The following MAMDC4 variants were observed in gnomAD, a reference collection of about 807,000 sequenced individuals.
The protein encoded by MAMDC4 is apical endosomal glycoprotein.
A neutral mutation model predicts 153.3 loss-of-function variants in MAMDC4; 168 were observed. The observed-to-expected ratio is 1.10, with a 90% confidence interval of 0.97 to 1.25. The LOEUF is 1.25. Among genes scored for constraint, MAMDC4 ranks in the 50% most tolerant of loss-of-function variants. MAMDC4 has a pLI of 0.00. For synonymous variants in MAMDC4, 744 were observed against 651.5 expected, an observed-to-expected ratio of 1.14 and a Z score of -2.16; for missense variants, 1,701 against 1,542.8, an observed-to-expected ratio of 1.10 and a Z score of -1.72.
In MAMDC4 at chr9:136,854,766, C is replaced by T; in HGVS notation, c.939C>T (p.Ser313=). The T allele has an allele frequency of 1.2e-6, 2 of 1,612,808 alleles. No homozygotes were observed. Among genetic ancestry groups the T allele is most frequent in the Non-Finnish European group, 1.7e-6 (2 of 1,179,878 alleles). The change falls in exon 9 of 27, where the codon TCC becomes TCT. Residue 313 remains serine (S), a synonymous_variant. Transcript: ENST00000317446. ...RDHSRNSAQG[S]FLVSVAEPGT... is the part of the protein sequence containing the mutation. ...CACTCCCGTCCTTTCCCGCAGGCTC[C>T]TTCCTGGTCTCCGTGGCCGAGCCTG...
In MAMDC4 at chr9:136,853,697, G is replaced by T. The variant is rs758712658; in HGVS notation, c.454+27G>T. 12 of 1,606,136 alleles carry T rather than the reference G, an allele frequency of 7.5e-6. No homozygotes were observed. The South Asian group carries it at 8.8e-5, about 12-fold the overall frequency. On this transcript the variant is annotated intron_variant, in intron 4 of 26. Coordinates refer to ENST00000317446, the MANE Select transcript of MAMDC4 (RefSeq NM_206920.3). ...TGCACCCTGGACCCCCAAGGCTCGT[G>T]GGGGGTGCCCAAGGGGAGGGCGGGT... is the stretch of plus-strand genomic sequence containing the variant.
At position 136,853,677 on chromosome 9, in the gene MAMDC4, C is replaced by T. The variant is rs745453446; in HGVS notation, c.454+7C>T. On this transcript the variant is annotated splice_region_variant and intron_variant, in intron 4 of 26. Coordinates refer to ENST00000317446, the MANE Select transcript of MAMDC4 (RefSeq NM_206920.3). The stretch of plus-strand genomic sequence containing the variant: ...TACCACGCGGCCTCTGGAGGTGCAC[C>T]CTGGACCCCCAAGGCTCGTGGGGGG... 9 of 1,609,988 alleles carry T rather than the reference C, an allele frequency of 5.6e-6. No individual in the cohort carries two copies. The highest frequency in any genetic ancestry group is 6.8e-6 in the Non-Finnish European group (8 of 1,178,790).
chr9:136,857,372 G>T lies in MAMDC4; in HGVS notation c.2112G>T (p.Leu704=). The change falls in exon 18 of 27, where the codon CTG becomes CTT. Residue 704 remains leucine (L), a synonymous_variant. Coordinates refer to ENST00000317446, the MANE Select transcript of MAMDC4 (RefSeq NM_206920.3). ...CTGACACCCTCCACCCCCAGCTGCT[G>T]TTCGAGGGCCTCCGGGACGGATACC... ...QPGSHAQYQL[L]FEGLRDGYHG... is the part of the protein sequence containing the mutation. 1 of 1,608,422 alleles carries T rather than the reference G, an allele frequency of 6.2e-7. No homozygotes were observed.
Position 136,860,599 on chromosome 9 carries a change from C to A in MAMDC4, c.3410C>A (p.Pro1137Gln). Reference protein sequence around the residue: ...VTLPASVTSDP With the variant: ...VTLPASVTSDQ ...CTCCCGGCATCTGTCACCAGTGATC[C>A]GTAGACCACCCCAGACAAGGCCCCG... The change falls in exon 27 of 27, where the codon CCG (proline) becomes CAG (glutamine). Residue 1137 changes from proline to glutamine, a missense_variant. Pro to Gln is a moderately conservative substitution (Grantham distance 76). Transcript: ENST00000317446. 6.2e-7 allele frequency: 1 copy of A among 1,613,274 alleles called. No individual in the cohort carries two copies. Among genetic ancestry groups the A allele is most frequent in the Non-Finnish European group, 8.5e-7 (1 of 1,179,876 alleles).
rs1288087044 is a variant in MAMDC4, at chr9:136,853,839, A to G, written c.517A>G (p.Thr173Ala). The G allele has an allele frequency of 6.4e-7, 1 of 1,560,820 alleles. No individual in the cohort carries two copies. Among genetic ancestry groups the G allele is most frequent in the African/African-American group, 1.3e-5 (1 of 74,536 alleles). Residue 173 changes from threonine (T) to alanine (A), a missense_variant, in exon 5 of 27, where the codon ACA becomes GCA. Physicochemically the swap from Thr to Ala is moderately conservative, Grantham distance 58 (BLOSUM62 0). Coordinates refer to ENST00000317446, the MANE Select transcript of MAMDC4 (RefSeq NM_206920.3). ...GAETLTLWQS[T>A]GPWGPGWQEL... ...AGAGACCCTGACCCTGTGGCAGAGC[A>G]CAGGGCCCTGGGGCCCTGGCTGGCA...
chr9:136,859,690 A>C, intron 25 of MAMDC4, 196 bp from the exon 26 acceptor site: 1 of 621,438 alleles, frequency 1.6e-6, no homozygotes, highest in Non-Finnish European at 2.8e-6. Context: ...CATGAGCCCC[A>C]CCAAGTCTGC....
Position 136,860,677 on chromosome 9 carries a change from C to T in MAMDC4, c.*74C>T. 2 of 1,540,332 alleles carry T rather than the reference C, an allele frequency of 1.3e-6. No homozygotes were observed. The highest frequency in any genetic ancestry group is 1.8e-6 in the Non-Finnish European group (2 of 1,116,744). The stretch of plus-strand genomic sequence containing the variant: ...TCAGACCCTAGCCAGGGACCGGACA[C>T]CTGCCCCGCCCAGGCTGGGACAGGC... On this transcript the variant is annotated 3_prime_UTR_variant, in exon 27 of 27. Coordinates refer to ENST00000317446, the MANE Select transcript of MAMDC4 (RefSeq NM_206920.3).
chr9:136,860,706 A>G lies in MAMDC4; in HGVS notation c.*103A>G. The G allele has an allele frequency of 7.7e-7, 1 of 1,306,504 alleles. No individual in the cohort carries two copies. The highest frequency in any genetic ancestry group is 1.2e-5 in the South Asian group (1 of 82,806). 80.9% of individuals were successfully genotyped at this position (1,306,504 alleles called of 1,614,324 possible). On this transcript the variant is annotated 3_prime_UTR_variant, in exon 27 of 27. Transcript: ENST00000317446. ...CCCCGCCCAGGCTGGGACAGGCTGC[A>G]GGTCTCAGGATATGCTGAGGCCTGG... is the stretch of plus-strand genomic sequence containing the variant.
chr9:136,860,115 C>A (rs575334645), intron 26 of MAMDC4, 51 bp downstream of exon 26: 1 of 1,486,520 alleles, frequency 6.7e-7, no homozygotes, highest in South Asian at 1.4e-5. Context: ...TCAGCTGTGA[C>A]GCTGGAGGGC....
Position 136,853,202 on chromosome 9 carries a change from C to T in MAMDC4, c.147C>T (p.Ala49=), listed in dbSNP as rs764233702. ...ACTGCAGGGACTGCTCAGATGAGGC[C>T]CAGTGTGGTGAGCCAAGACCAGATG... ...VCDCRDCSDE[A]QCGYHGASPT... The change falls in exon 2 of 27, where the codon GCC becomes GCT. Residue 49 remains alanine (A), a synonymous_variant. Transcript: ENST00000317446. 6.2e-7 allele frequency: 1 copy of T among 1,612,760 alleles called. No individual in the cohort carries two copies. Among genetic ancestry groups the T allele is most frequent in the Non-Finnish European group, 8.5e-7 (1 of 1,179,924 alleles).
chr9:136,859,658 G>A (rs2236544), intron 25 of MAMDC4: 454,078 of 600,828 alleles, frequency 0.76, 172,798 homozygotes, highest in East Asian at 0.88. Flanking sequence ...CACTTGGTGA[G>A]GGAAAGAATC....
rs777024334 is a variant in MAMDC4, at chr9:136,859,232, C to T, written c.3108C>T (p.Gly1036=). ...AGATCGTGTTTGAAGCCACTCTGGG[C>T]GGCCAGCCAGCCCTGGGGCCCATTG... is the stretch of plus-strand genomic sequence containing the variant. ...EFQIVFEATL[G]GQPALGPIAL... is the part of the protein sequence containing the mutation. The change falls in exon 25 of 27, where the codon GGC becomes GGT. Residue 1036 remains glycine, a synonymous_variant. Transcript: ENST00000317446. The T allele has an allele frequency of 5.6e-6, 9 of 1,611,518 alleles. No homozygotes were observed. The highest frequency in any genetic ancestry group is 5.9e-6 in the Non-Finnish European group (7 of 1,179,250).
intron 7 of MAMDC4, 77 bp from the exon 8 acceptor site, chr9:136,854,462 G>A: frequency 6.5e-7 from 1 of 1,529,614 alleles, no homozygotes; most frequent in Non-Finnish European, 8.8e-7. Context: ...TGGTTGCCAG[G>A]GCCCCCCTGG....
In MAMDC4 at chr9:136,858,496, C is replaced by A. The variant is rs764063491; in HGVS notation, c.2771C>A (p.Pro924His). The A allele has an allele frequency of 2.1e-5, 33 of 1,606,532 alleles. No homozygotes were observed. The highest frequency in any genetic ancestry group is 2.5e-5 in the Non-Finnish European group (30 of 1,177,872). The change falls in exon 22 of 27, where the codon CCC (proline) becomes CAC (histidine). Residue 924 changes from proline to histidine, a missense_variant. Transcript: ENST00000317446. The stretch of plus-strand genomic sequence containing the variant: ...TGGGACTGGGGCGGGGGAGCCACCC[C>A]CTCTCGTTACCCCCAGCCCCCTGTG... ...YSWDWGGGAT[P>H]SRYPQPPVDH...
rs369624869 is a variant in MAMDC4 at position 136,857,351 on chromosome 9, C to T, written c.2107-16C>T. The T allele has an allele frequency of 2.4e-4, 384 of 1,608,122 alleles. No homozygotes were observed. The highest frequency in any genetic ancestry group is 3.0e-4 in the Non-Finnish European group (355 of 1,179,234). ...CAGGGCAGGGCCCCTGGCCAGCTGA[C>T]ACCCTCCACCCCCAGCTGCTGTTCG... is the stretch of plus-strand genomic sequence containing the variant. On this transcript the variant is annotated splice_polypyrimidine_tract_variant and intron_variant, in intron 17 of 26. Coordinates refer to ENST00000317446, the MANE Select transcript of MAMDC4 (RefSeq NM_206920.3).
In MAMDC4 at chr9:136,856,984, C is replaced by G; in HGVS notation, c.1915C>G (p.Pro639Ala). The change falls in exon 16 of 27, where the codon CCA (proline) becomes GCA (alanine). Residue 639 changes from proline (P) to alanine (A), a missense_variant. Coordinates refer to ENST00000317446, the MANE Select transcript of MAMDC4 (RefSeq NM_206920.3). ...CCACCTGCTCTCCAGGCCCCAGGTG[C>G]CAGCAGCACCCACGGAGTGTCTCAG... is the stretch of plus-strand genomic sequence containing the variant. ...SAHLLSRPQV[P>A]AAPTECLSFW... The G allele has an allele frequency of 6.2e-7, 1 of 1,612,476 alleles. No individual in the cohort carries two copies. The highest frequency in any genetic ancestry group is 8.5e-7 in the Non-Finnish European group (1 of 1,179,782).
At chr9:136,852,856 C>T (rs1212300527) in intron 1 of MAMDC4, among the ~76,000 whole-genome samples, 1 of 152,208 alleles carries the variant, frequency 6.6e-6, no homozygotes, top group African/African-American at 2.4e-5. Context: ...TGCTACCTTT[C>T]TTGGGGTGCC....
In MAMDC4 at chr9:136,858,397, C is replaced by A. The variant is rs1282386646; in HGVS notation, c.2675-3C>A. ...GCACCACTCACCCACCCATGTCCTG[C>A]AGGTTCCTGTGATTTTGAGTCTGGC... On this transcript the variant is annotated splice_polypyrimidine_tract_variant and splice_region_variant and intron_variant, in intron 21 of 26. Coordinates refer to ENST00000317446, the MANE Select transcript of MAMDC4 (RefSeq NM_206920.3). 6.2e-7 allele frequency: 1 copy of A among 1,601,926 alleles called. No homozygotes were observed. Among genetic ancestry groups the A allele is most frequent in the South Asian group, 1.1e-5 (1 of 91,090 alleles).
At position 136,856,056 on chromosome 9, in the gene MAMDC4, G is replaced by A. The variant is rs753272812; in HGVS notation, c.1627G>A (p.Gly543Ser). ...LSLQRAWGQL[G>S]AEARVLTPLL... Reference sequence around the variant, plus strand: ...TCTGCAGCGGGCCTGGGGGCAGCTAGGCGCTGAGGCCCGGGTCCTCACACC... The same window carrying A: ...TCTGCAGCGGGCCTGGGGGCAGCTAAGCGCTGAGGCCCGGGTCCTCACACC... Residue 543 changes from glycine (G) to serine (S), a missense_variant, in exon 14 of 27, where the codon GGC (glycine) becomes AGC (serine). Gly to Ser is a moderately conservative substitution (Grantham distance 56). Coordinates refer to ENST00000317446, the MANE Select transcript of MAMDC4 (RefSeq NM_206920.3). The A allele has an allele frequency of 1.2e-6, 2 of 1,612,414 alleles. No homozygotes were observed. The highest frequency in any genetic ancestry group is 1.7e-5 in the Admixed American group (1 of 60,018).
Sources: allele counts gnomAD v4.1 joint callset (sites outside exome capture counted in the v4.1 genomes callset), GRCh38; gene constraint gnomAD v4.1.1; transcripts MANE v1.5; gene names NCBI Gene and HGNC (gene_info 2026-07-23, HGNC 2026-07-21).